The following PPP2R3A variants were observed in gnomAD, a reference collection of about 807,000 sequenced individuals.
The protein encoded by PPP2R3A is serine/threonine-protein phosphatase 2A regulatory subunit B'' subunit alpha.
In PPP2R3A, 80 loss-of-function variants were observed where a neutral mutation model predicts 106.9. The ratio of observed to expected loss-of-function variants is 0.75; its 90% CI spans 0.62 to 0.90. The LOEUF is 0.90. Among genes scored for constraint, PPP2R3A ranks in the 40% least tolerant of loss-of-function variants. The pLI, the probability that PPP2R3A is intolerant of heterozygous loss-of-function variation, is 0.00. For missense variants in PPP2R3A, 1,386 were observed against 1,350.4 expected (o/e 1.03, Z -0.41); for synonymous variants, 483 against 468.3 (o/e 1.03, Z -0.41).
intron 7 of PPP2R3A, among the ~76,000 whole-genome samples, chr3:136,081,345 G>A (rs1482570638): frequency 1.3e-5 from 2 of 151,808 alleles, no homozygotes; most frequent in South Asian, 4.1e-4. Context: ...GTTTATTTTT[G>A]TTAACATTTA....
chr3:136,123,730 C>T (rs1166627637), intron 13 of PPP2R3A, among the ~76,000 whole-genome samples: 2 of 152,192 alleles, frequency 1.3e-5, no homozygotes, highest in African/African-American at 4.8e-5. Flanking sequence ...GTGTATCAAA[C>T]AACACAGCCA....
intron 2 of PPP2R3A, among the ~76,000 whole-genome samples, chr3:136,017,260 A>G (rs1470206017): frequency 6.6e-6 from 1 of 152,120 alleles, no homozygotes; most frequent in African/African-American, 2.4e-5. Flanking sequence ...TTTTTCCTTC[A>G]TGTTGACTTT....
chr3:136,039,870 G>A (rs1282731296), intron 3 of PPP2R3A, among the ~76,000 whole-genome samples: 1 of 152,058 alleles, frequency 6.6e-6, no homozygotes, highest in Non-Finnish European at 1.5e-5. Context: ...TTGAAAGGAA[G>A]AGCTTTTTAT....
intron 1 of PPP2R3A, among the ~76,000 whole-genome samples, chr3:135,966,331 G>A (rs1000800095): frequency 2.0e-5 from 3 of 152,158 alleles, no homozygotes; most frequent in Non-Finnish European, 4.4e-5. Flanking sequence ...GCCCAACCTC[G>A]GCCCGACTTG....
rs528676951 is a variant in PPP2R3A, at chr3:136,009,286, T to C, written c.1995+5793T>C. On this transcript the variant is annotated intron_variant, in intron 2 of 13. Coordinates refer to ENST00000264977, the MANE Select transcript of PPP2R3A (RefSeq NM_002718.5). Reference sequence around the variant, plus strand: ...ATTTCATTGCTGCTCTAGACTATTCTCCTGGCTGCCTCCCTGAAACCAGCC... The same window carrying C: ...ATTTCATTGCTGCTCTAGACTATTCCCCTGGCTGCCTCCCTGAAACCAGCC... Among the ~76,000 whole-genome samples, 6 of 152,228 alleles carry C rather than the reference T, an allele frequency of 3.9e-5. No individual in the cohort carries two copies. In the East Asian group the frequency reaches 9.7e-4, roughly 25 times the overall value.
chr3:136,050,316 A>C (rs771923688), intron 5 of PPP2R3A, among the ~76,000 whole-genome samples: 4 of 152,234 alleles, frequency 2.6e-5, no homozygotes, highest in Non-Finnish European at 5.9e-5. Context: ...AATAAACGTC[A>C]GATCTATCAG....
Position 136,057,282 on chromosome 3 carries a change from A to G in PPP2R3A, c.2469+7921A>G, listed in dbSNP as rs1388497605. Among the ~76,000 whole-genome samples, 5 of 152,206 alleles carry G rather than the reference A, an allele frequency of 3.3e-5. No individual in the cohort carries two copies. The East Asian group carries it at 5.8e-4, about 18-fold the overall frequency. On this transcript the variant is annotated intron_variant, in intron 5 of 13. Transcript: ENST00000264977. ...TATGGAACCCCCCAAGTGCCAATCAATGGATGAAGAAAATACAGTGTATAT... is the reference window on the plus strand; with the variant it reads ...TATGGAACCCCCCAAGTGCCAATCAGTGGATGAAGAAAATACAGTGTATAT...
chr3:136,094,217 T>C (rs1449408184), intron 10 of PPP2R3A, among the ~76,000 whole-genome samples: 1 of 152,190 alleles, frequency 6.6e-6, no homozygotes, highest in Non-Finnish European at 1.5e-5. Flanking sequence ...GTGGAGAGCC[T>C]GTGGTGAAAT....
At chr3:136,026,345 C>G (rs912267741) in intron 2 of PPP2R3A, among the ~76,000 whole-genome samples, 1 of 152,114 alleles carries the variant, frequency 6.6e-6, no homozygotes, top group Non-Finnish European at 1.5e-5. Flanking sequence ...TCTACCTCAG[C>G]AAAGTCAAAC....
intron 13 of PPP2R3A, chr3:136,106,942 A>C (rs935151860): frequency 3.1e-5 from 4 of 127,416 alleles, no homozygotes; most frequent in African/African-American, 6.7e-5. Flanking sequence ...AAAAAAAAAA[A>C]AAAAAAAAAA....
chr3:136,066,173 C>T (rs1936258327), intron 5 of PPP2R3A, among the ~76,000 whole-genome samples: 1 of 152,106 alleles, frequency 6.6e-6, no homozygotes, highest in Admixed American at 6.6e-5. Context: ...AAGCACAAAG[C>T]CCAGGTAGTT....
At chr3:136,080,508 C>T (rs1485834163) in intron 7 of PPP2R3A, among the ~76,000 whole-genome samples, 1 of 152,162 alleles carries the variant, frequency 6.6e-6, no homozygotes, top group Non-Finnish European at 1.5e-5. Flanking sequence ...TCATTTTATG[C>T]CAATCCAGTG....
chr3:136,002,117 G>A lies in PPP2R3A; in HGVS notation c.619G>A (p.Glu207Lys). 1 of 1,614,054 alleles carries A rather than the reference G, an allele frequency of 6.2e-7. No homozygotes were observed. The highest frequency in any genetic ancestry group is 8.5e-7 in the Non-Finnish European group (1 of 1,179,996). The change falls in exon 2 of 14, where the codon GAA (glutamate) becomes AAA (lysine). Residue 207 changes from glutamate (E) to lysine (K), a missense_variant. Coordinates refer to ENST00000264977, the MANE Select transcript of PPP2R3A (RefSeq NM_002718.5). The stretch of plus-strand genomic sequence containing the variant: ...TTCCATGTTTCTTCAAAACTTTTCT[G>A]AAGAAGACTTGGTTACTCAGATTTT... ...LTSMFLQNFS[E>K]EDLVTQILEK...
At chr3:136,087,860 A>T in intron 8 of PPP2R3A, 23 bp from the exon 9 acceptor site, 3 of 1,445,486 alleles carry the variant, frequency 2.1e-6, no homozygotes, top group South Asian at 1.3e-5. Context: ...TAGCTTTGCA[A>T]TTTTTTTTTT....
rs1159254080 is a variant in PPP2R3A, at chr3:136,145,709, CTTAAT to C, written c.*544_*548del. 1.3e-5 allele frequency: 2 copies of C among 152,608 alleles called. No individual in the cohort carries two copies. Among genetic ancestry groups the C allele is most frequent in the African/African-American group, 2.4e-5 (1 of 41,428 alleles). The allele number at this position is 152,608 out of a possible 1,614,324, so 9.5% of individuals were successfully genotyped here. ...GTTCAAAGATCTTTAACTTACCTGGCTTAATGTAATTTCACAGTTACCTGCCAAAC... is the reference window on the plus strand; with the variant it reads ...GTTCAAAGATCTTTAACTTACCTGGCGTAATTTCACAGTTACCTGCCAAAC... On this transcript the variant is annotated 3_prime_UTR_variant, in exon 14 of 14. Transcript: ENST00000264977.
chr3:136,104,325 T>A (rs567852728), intron 12 of PPP2R3A, among the ~76,000 whole-genome samples: 132 of 147,486 alleles, frequency 8.9e-4, no homozygotes, highest in Admixed American at 1.8e-3. Flanking sequence ...TGTGTGTGTG[T>A]GACAGAGTTT....
intron 2 of PPP2R3A, among the ~76,000 whole-genome samples, chr3:136,010,417 ATTTTTTTTTTTTTT>A (rs56962010): frequency 0.011 from 569 of 51,018 alleles, 13 homozygotes; most frequent in African/African-American, 0.051. Flanking sequence ...CGCTCGGCTA[ATTTTTTTTTTTTTT>A]TTTTTTTTTT....
intron 2 of PPP2R3A, chr3:136,022,669 G>A: frequency 2.7e-6 from 2 of 727,826 alleles, no homozygotes; most frequent in Non-Finnish European, 3.4e-6. Context: ...CATTATCTGA[G>A]AAGGTACTAT....
chr3:136,115,760 C>T (rs1487416282), intron 13 of PPP2R3A, among the ~76,000 whole-genome samples: 1 of 151,984 alleles, frequency 6.6e-6, no homozygotes, highest in Non-Finnish European at 1.5e-5. Flanking sequence ...AAGACCAGAT[C>T]TACGTTTGAT....
Sources: gnomAD v4.1 joint callset for allele counts (sites outside exome capture counted in the v4.1 genomes callset) on GRCh38, gnomAD v4.1.1 for gene constraint, MANE v1.5 for transcripts, NCBI Gene and HGNC (gene_info 2026-07-23, HGNC 2026-07-21) for gene names.